The following SETD3 variants were observed in gnomAD, a reference collection of about 807,000 sequenced individuals.
SETD3 encodes actin-histidine N-methyltransferase.
Under a neutral mutation model 63.0 loss-of-function variants are expected in SETD3, and 19 were observed. The ratio of observed to expected loss-of-function variants is 0.30; its 90% CI spans 0.21 to 0.44. SETD3 has a LOEUF of 0.44. Among genes scored for constraint, SETD3 ranks in the 20% least tolerant of loss-of-function variants. The pLI is 1.00. For synonymous variants in SETD3, 286 were observed against 264.1 expected (o/e 1.08, Z -0.80); for missense variants, 587 against 728.5 (o/e 0.81, Z 2.24).
intron 1 of SETD3, among the ~76,000 whole-genome samples, chr14:99,473,076 C>A (rs1034937465): frequency 1.3e-5 from 2 of 152,212 alleles, no homozygotes; most frequent in African/African-American, 4.8e-5. Flanking sequence ...AGTCCACCAA[C>A]AACCTCCCCA....
chr14:99,484,355 C>T (rs897972035), upstream of SETD3, among the ~76,000 whole-genome samples: 8 of 152,206 alleles, frequency 5.3e-5, no homozygotes, highest in Non-Finnish European at 8.8e-5. Flanking sequence ...TGTTAGTTAC[C>T]ACCCCCCTCC....
intron 6 of SETD3, among the ~76,000 whole-genome samples, chr14:99,418,445 C>T (rs571967817): frequency 2.6e-5 from 4 of 152,202 alleles, no homozygotes; most frequent in Admixed American, 2.6e-4. Context: ...CTTCCTTCTG[C>T]AAGGATGAGA....
intron 6 of SETD3, among the ~76,000 whole-genome samples, chr14:99,453,686 C>T (rs186419067): frequency 3.3e-5 from 5 of 152,020 alleles, no homozygotes; most frequent in Admixed American, 2.6e-4. Context: ...ATTAGCTGGG[C>T]GTGGTGGTGG....
intron 6 of SETD3, among the ~76,000 whole-genome samples, chr14:99,438,118 A>C (rs1893592358): frequency 6.6e-6 from 1 of 152,234 alleles, no homozygotes; most frequent in Non-Finnish European, 1.5e-5. Flanking sequence ...CATGAGACTG[A>C]CACAAAGGTT....
chr14:99,442,439 T>C (rs1397914020), intron 6 of SETD3, among the ~76,000 whole-genome samples: 1 of 152,178 alleles, frequency 6.6e-6, no homozygotes, highest in Non-Finnish European at 1.5e-5. Context: ...TGAAGGAATA[T>C]ACAGGTGACT....
intron 3 of SETD3, 53 bp from the exon 4 acceptor site, chr14:99,461,393 T>C (rs1895054404): frequency 1.3e-6 from 2 of 1,550,044 alleles, no homozygotes; most frequent in African/African-American, 1.4e-5. Context: ...ACACATATCA[T>C]TCACACGTCT....
At chr14:99,456,443 A>C (rs891462594) in intron 6 of SETD3, among the ~76,000 whole-genome samples, 2 of 152,188 alleles carry the variant, frequency 1.3e-5, no homozygotes, top group African/African-American at 4.8e-5. Context: ...GTGCTCTAAG[A>C]ATGTTGTTTT....
At chr14:99,436,557 C>T (rs1893494228) in intron 6 of SETD3, among the ~76,000 whole-genome samples, 1 of 152,164 alleles carries the variant, frequency 6.6e-6, no homozygotes, top group Non-Finnish European at 1.5e-5. Flanking sequence ...TGAGATTAAG[C>T]GGCCCTCCTT....
At chr14:99,452,914 T>A (rs1894542593) in intron 6 of SETD3, among the ~76,000 whole-genome samples, 1 of 152,160 alleles carries the variant, frequency 6.6e-6, no homozygotes, top group Non-Finnish European at 1.5e-5. Context: ...AAGAAAACTA[T>A]TTTAAATGGG....
chr14:99,460,006 G>A (rs1299023081), intron 4 of SETD3, among the ~76,000 whole-genome samples: 1 of 152,158 alleles, frequency 6.6e-6, no homozygotes, highest in Non-Finnish European at 1.5e-5. Flanking sequence ...TCCACAGCTC[G>A]GATCTTCTGG....
chr14:99,428,066 A>T (rs1471405403), intron 6 of SETD3, among the ~76,000 whole-genome samples: 2 of 152,210 alleles, frequency 1.3e-5, no homozygotes, highest in Non-Finnish European at 2.9e-5. Context: ...AGGGATGAAA[A>T]GGTGCAATGC....
chr14:99,451,587 G>T (rs1894466384), intron 6 of SETD3, among the ~76,000 whole-genome samples: 1 of 152,042 alleles, frequency 6.6e-6, no homozygotes, highest in African/African-American at 2.4e-5. Context: ...GCTCACTGCA[G>T]CCTCAACTTC....
intron 2 of SETD3, among the ~76,000 whole-genome samples, chr14:99,464,691 C>T (rs1397809372): frequency 2.0e-5 from 3 of 152,336 alleles, no homozygotes; most frequent in Admixed American, 6.5e-5. Context: ...CAAAGGGCAA[C>T]GGAGTGACCA....
intron 6 of SETD3, among the ~76,000 whole-genome samples, chr14:99,445,176 C>G (rs562406108): frequency 6.6e-6 from 1 of 152,194 alleles, no homozygotes; most frequent in East Asian, 1.9e-4. Context: ...CTCTCAAATT[C>G]GAAGAAATCA....
chr14:99,408,141 G>A (rs1231118392), intron 8 of SETD3, among the ~76,000 whole-genome samples: 1 of 152,112 alleles, frequency 6.6e-6, no homozygotes, highest in African/African-American at 2.4e-5. Context: ...TCTGAGTCTA[G>A]GGAATGGCAT....
At chr14:99,438,530 A>T (rs968506570) in intron 6 of SETD3, among the ~76,000 whole-genome samples, 1 of 152,230 alleles carries the variant, frequency 6.6e-6, no homozygotes, top group Non-Finnish European at 1.5e-5. Flanking sequence ...TGTTATAAGC[A>T]AGGTAAACTT....
chr14:99,414,485 G>A (rs993239942), intron 6 of SETD3, among the ~76,000 whole-genome samples: 3 of 152,196 alleles, frequency 2.0e-5, no homozygotes, highest in Non-Finnish European at 4.4e-5. Context: ...CGGCAAATGC[G>A]GATCAAGCAC....
rs886756575 is a variant in SETD3, at chr14:99,398,925, G to A, written c.1539C>T (p.Ser513=). The A allele has an allele frequency of 1.1e-5, 17 of 1,614,002 alleles. No individual in the cohort carries two copies. Among genetic ancestry groups the A allele is most frequent in the South Asian group, 2.2e-5 (2 of 91,082 alleles). The stretch of plus-strand genomic sequence containing the variant: ...CCAGGGGGAGCCTCGAGTCCCCCAC[G>A]CTGCTCTCCAACAGCCCAAGGTTAC... ...EESNLGLLES[S]VGDSRLPLVL... The change falls in exon 13 of 13, where the codon AGC becomes AGT. Residue 513 remains serine, a synonymous_variant. Transcript: ENST00000331768.
At chr14:99,463,307 C>T (rs559159185) in intron 3 of SETD3, among the ~76,000 whole-genome samples, 179 bp downstream of exon 3, 45 of 152,336 alleles carry the variant, frequency 3.0e-4, no homozygotes, top group Non-Finnish European at 5.7e-4. Context: ...CAGGTAATAG[C>T]ATCTCAGAAA....
Sources: allele counts gnomAD v4.1 joint callset (sites outside exome capture counted in the v4.1 genomes callset), GRCh38; gene constraint gnomAD v4.1.1; transcripts MANE v1.5; gene names NCBI Gene and HGNC (gene_info 2026-07-23, HGNC 2026-07-21).